GRIA4: variants seen among roughly 807,000 people sequenced by gnomAD.
GRIA4 encodes the protein glutamate ionotropic receptor AMPA type subunit 4, also known as glutamate receptor 4.
GRIA4 carries 34 observed loss-of-function variants against 104.0 expected under a neutral mutation model. The ratio of observed to expected loss-of-function variants is 0.33; its 90% CI spans 0.25 to 0.44. The LOEUF is 0.44. Ranked by LOEUF, GRIA4 falls within the 20% of genes least tolerant of loss-of-function variation. The probability of loss-of-function intolerance (pLI) is 1.00; values close to 1 mark genes in which losing one functional copy is unlikely to be tolerated. For missense variants in GRIA4, 750 were observed against 1,096.5 expected (o/e 0.68, Z 4.46); for synonymous variants, 386 against 381.9 (o/e 1.01, Z -0.13).
rs545741632 is a variant in GRIA4, at chr11:105,666,155, C to T, written c.247+53721C>T. Reference sequence around the variant, plus strand: ...TAACTTTAAACCATGGCCTCTGAACCATTGCTTCTCTTTCTCAAAGAAAAC... The same window carrying T: ...TAACTTTAAACCATGGCCTCTGAACTATTGCTTCTCTTTCTCAAAGAAAAC... On this transcript the variant is annotated intron_variant, in intron 3 of 16. Coordinates refer to ENST00000282499, the MANE Select transcript of GRIA4 (RefSeq NM_000829.4). 5.9e-5 allele frequency among the ~76,000 whole-genome samples: 9 copies of T among 152,044 alleles called. No homozygotes were observed. The East Asian group carries it at 1.4e-3, about 23-fold the overall frequency.
intron 10 of GRIA4, among the ~76,000 whole-genome samples, chr11:105,913,860 A>G (rs1947326087): frequency 6.6e-6 from 1 of 152,092 alleles, no homozygotes; most frequent in Non-Finnish European, 1.5e-5. Flanking sequence ...ATAAAACTAA[A>G]TTTATTCACT....
At chr11:105,850,477 A>T (rs1254931619) in intron 4 of GRIA4, among the ~76,000 whole-genome samples, 1 of 152,208 alleles carries the variant, frequency 6.6e-6, no homozygotes, top group African/African-American at 2.4e-5. Context: ...AGATCTAAGT[A>T]GTAACTCAAA....
intron 10 of GRIA4, chr11:105,913,112 T>A: frequency 1.9e-5 from 13 of 701,582 alleles, no homozygotes; most frequent in Non-Finnish European, 2.1e-5. Context: ...AGAAATTCAG[T>A]TATTCATAAA....
intron 3 of GRIA4, among the ~76,000 whole-genome samples, chr11:105,616,058 G>A (rs763585792): frequency 4.6e-5 from 7 of 151,658 alleles, no homozygotes; most frequent in Non-Finnish European, 8.9e-5. Context: ...GCAATAAGAA[G>A]TACTAATAGA....
At chr11:105,937,524 A>G (rs1436854280) in intron 14 of GRIA4, among the ~76,000 whole-genome samples, 1 of 152,132 alleles carries the variant, frequency 6.6e-6, no homozygotes, top group Non-Finnish European at 1.5e-5. Context: ...CCTTTTAAAG[A>G]TATTCATAGT....
In GRIA4 at chr11:105,913,032, T is replaced by A; in HGVS notation, c.1269+2487T>A. On this transcript the variant is annotated intron_variant, in intron 10 of 16. Coordinates refer to ENST00000282499, the MANE Select transcript of GRIA4 (RefSeq NM_000829.4). ...TTATTGTTCTTCCAGTTGTCTGTCCTTTGTGTATGTTCTTATTTATATGTT... is the reference window on the plus strand; with the variant it reads ...TTATTGTTCTTCCAGTTGTCTGTCCATTGTGTATGTTCTTATTTATATGTT... 1.8e-5 allele frequency: 17 copies of A among 920,078 alleles called. 1 individual carries two copies. Among genetic ancestry groups the A allele is most frequent in the Non-Finnish European group, 2.2e-5 (17 of 770,318 alleles). 57.0% of individuals were successfully genotyped at this position (920,078 alleles called of 1,614,324 possible).
At chr11:105,695,666 C>A (rs1296647216) in intron 3 of GRIA4, among the ~76,000 whole-genome samples, 1 of 152,080 alleles carries the variant, frequency 6.6e-6, no homozygotes, top group Non-Finnish European at 1.5e-5. Context: ...TGGAGCATAG[C>A]CTTGAAGTCC....
intron 3 of GRIA4, among the ~76,000 whole-genome samples, chr11:105,738,944 ACAAAAAAAACC>A (rs1349823110): frequency 1.6e-4 from 17 of 109,494 alleles, no homozygotes; most frequent in Middle Eastern, 5.0e-3. Flanking sequence ...AAAAAAAAAA[ACAAAAAAAACC>A]CAAAAAAAAA....
At chr11:105,874,927 C>T (rs1237155133) in intron 5 of GRIA4, among the ~76,000 whole-genome samples, 1 of 152,162 alleles carries the variant, frequency 6.6e-6, no homozygotes, top group Non-Finnish European at 1.5e-5. Context: ...CCTGATTACC[C>T]TGGCCAGAAC....
At chr11:105,943,546 T>C (rs1228304569) in intron 14 of GRIA4, among the ~76,000 whole-genome samples, 3 of 152,236 alleles carry the variant, frequency 2.0e-5, no homozygotes, top group Non-Finnish European at 4.4e-5. Flanking sequence ...AAGGGCATCG[T>C]AACAACCTTA....
chr11:105,703,911 A>AAGAAATACT (rs1367772350), intron 3 of GRIA4, among the ~76,000 whole-genome samples: 1 of 152,014 alleles, frequency 6.6e-6, no homozygotes, highest in Non-Finnish European at 1.5e-5. Flanking sequence ...CTTTGTTGAA[A>AAGAAATACT]AGAAATACTA....
At position 105,681,969 on chromosome 11, in the gene GRIA4, G is replaced by A. The variant is rs1388666581; in HGVS notation, c.247+69535G>A. On this transcript the variant is annotated intron_variant, in intron 3 of 16. Coordinates refer to ENST00000282499, the MANE Select transcript of GRIA4 (RefSeq NM_000829.4). The stretch of plus-strand genomic sequence containing the variant: ...AAGCAGGAGAATCACTTGAGCCTGG[G>A]AGGCAGAGTTTGCAGGGCAGAGATC... 3.9e-5 allele frequency among the ~76,000 whole-genome samples: 6 copies of A among 152,168 alleles called. No homozygotes were observed. The East Asian group carries it at 1.2e-3, about 29-fold the overall frequency.
At chr11:105,864,050 G>T (rs77970144) in intron 5 of GRIA4, among the ~76,000 whole-genome samples, 3 of 151,890 alleles carry the variant, frequency 2.0e-5, no homozygotes, top group African/African-American at 7.3e-5. Flanking sequence ...TTCTATCATG[G>T]TTGCATGGTA....
intron 3 of GRIA4, among the ~76,000 whole-genome samples, chr11:105,639,384 A>G (rs901387621): frequency 2.0e-5 from 3 of 152,094 alleles, no homozygotes; most frequent in African/African-American, 7.2e-5. Context: ...ATAGCTGTAA[A>G]AGGGATCTGA....
intron 3 of GRIA4, among the ~76,000 whole-genome samples, chr11:105,735,968 C>T (rs935984516): frequency 6.6e-6 from 1 of 152,090 alleles, no homozygotes; most frequent in African/African-American, 2.4e-5. Flanking sequence ...CAGCAATTGT[C>T]CCAGAAAACT....
chr11:105,977,343 A>G (rs964205187), intron 16 of GRIA4, among the ~76,000 whole-genome samples: 4 of 152,002 alleles, frequency 2.6e-5, no homozygotes, highest in Admixed American at 2.6e-4. Flanking sequence ...TTGTTAAACA[A>G]GAGGTGAGTG....
At chr11:105,839,562 A>G (rs1275098623) in intron 4 of GRIA4, among the ~76,000 whole-genome samples, 3 of 151,894 alleles carry the variant, frequency 2.0e-5, no homozygotes, top group Non-Finnish European at 1.5e-5. Flanking sequence ...TTTTATCAAA[A>G]TCTTTTATAA....
chr11:105,906,213 A>T (rs2136150949), intron 9 of GRIA4, among the ~76,000 whole-genome samples: 2 of 152,302 alleles, frequency 1.3e-5, no homozygotes, highest in South Asian at 4.1e-4. Flanking sequence ...ACAAACCTAT[A>T]ATTTGAGTAG....
intron 3 of GRIA4, among the ~76,000 whole-genome samples, chr11:105,711,390 C>T (rs913028152): frequency 5.3e-5 from 8 of 151,610 alleles, no homozygotes; most frequent in South Asian, 4.2e-4. Flanking sequence ...CAAACCTGCA[C>T]GCTGTGCACA....
Sources: allele counts gnomAD v4.1 joint callset (sites outside exome capture counted in the v4.1 genomes callset), GRCh38; gene constraint gnomAD v4.1.1; transcripts MANE v1.5; gene names NCBI Gene and HGNC (gene_info 2026-07-23, HGNC 2026-07-21).